Variants in LRRTM4 observed in about 807,000 individuals in gnomAD.
LRRTM4 encodes leucine rich repeat transmembrane neuronal 4, also known as leucine-rich repeat transmembrane neuronal protein 4.
LRRTM4 carries 25 observed loss-of-function variants against 47.6 expected under a neutral mutation model. That is an observed-to-expected ratio of 0.53 (90% CI 0.38 to 0.73). The LOEUF is 0.73. Ranked by LOEUF, LRRTM4 falls within the 30% of genes least tolerant of loss-of-function variation. The pLI is 0.00. For synonymous variants in LRRTM4, 311 were observed against 269.5 expected, an observed-to-expected ratio of 1.15 and a Z score of -1.51; for missense variants, 638 against 713.4, an observed-to-expected ratio of 0.89 and a Z score of 1.20.
At chr2:76,953,218 G>A (rs1675555939) in intron 3 of LRRTM4, among the ~76,000 whole-genome samples, 1 of 150,286 alleles carries the variant, frequency 6.7e-6, no homozygotes, top group African/African-American at 2.4e-5. Flanking sequence ...CAAACAAGAA[G>A]AGTTTATGGA....
intron 3 of LRRTM4, among the ~76,000 whole-genome samples, chr2:77,470,880 T>C (rs1235340428): frequency 6.6e-6 from 1 of 152,072 alleles, no homozygotes; most frequent in East Asian, 1.9e-4. Context: ...TTAGTACCAA[T>C]AAAGTAAGTA....
chr2:76,850,730 CAT>C (rs555668794), intron 3 of LRRTM4, among the ~76,000 whole-genome samples: 27 of 152,142 alleles, frequency 1.8e-4, no homozygotes, highest in South Asian at 1.0e-3. Flanking sequence ...TGTATTCACA[CAT>C]GTGCTTCATA....
At chr2:77,322,759 T>C (rs1330765226) in intron 3 of LRRTM4, among the ~76,000 whole-genome samples, 1 of 149,678 alleles carries the variant, frequency 6.7e-6, no homozygotes, top group Non-Finnish European at 1.5e-5. Flanking sequence ...TAAAAATCTA[T>C]TTGATTTTGT....
At chr2:76,947,376 A>G (rs571912917) in intron 3 of LRRTM4, among the ~76,000 whole-genome samples, 31 of 151,870 alleles carry the variant, frequency 2.0e-4, no homozygotes, top group Admixed American at 1.6e-3. Context: ...AAACAAAGAC[A>G]GTAAAGTGGA....
At chr2:77,177,384 C>T (rs1020698404) in intron 3 of LRRTM4, among the ~76,000 whole-genome samples, 10 of 152,126 alleles carry the variant, frequency 6.6e-5, no homozygotes, top group African/African-American at 1.9e-4. Context: ...CTTAGGACCA[C>T]GTTTAGAAAA....
chr2:76,891,013 G>C (rs1220844379), intron 3 of LRRTM4, among the ~76,000 whole-genome samples: 1 of 151,770 alleles, frequency 6.6e-6, no homozygotes, highest in Non-Finnish European at 1.5e-5. Context: ...TCCTGACATG[G>C]CAACAGAAGG....
chr2:76,755,473 C>G (rs1240611960), intron 3 of LRRTM4, among the ~76,000 whole-genome samples: 1 of 152,044 alleles, frequency 6.6e-6, no homozygotes, highest in African/African-American at 2.4e-5. Flanking sequence ...TTTCGTGTTT[C>G]TTTTTTCATC....
At chr2:77,197,828 C>T (rs1673871504) in intron 3 of LRRTM4, among the ~76,000 whole-genome samples, 1 of 152,120 alleles carries the variant, frequency 6.6e-6, no homozygotes, top group African/African-American at 2.4e-5. Flanking sequence ...AATATATTTT[C>T]TTTGACTTAC....
chr2:76,819,646 T>C (rs1281139036), intron 3 of LRRTM4, among the ~76,000 whole-genome samples: 1 of 151,924 alleles, frequency 6.6e-6, no homozygotes, highest in Non-Finnish European at 1.5e-5. Flanking sequence ...ACAGTAATAC[T>C]TGCTTACTTT....
At chr2:77,076,074 G>C (rs1400494486) in intron 3 of LRRTM4, among the ~76,000 whole-genome samples, 1 of 151,902 alleles carries the variant, frequency 6.6e-6, no homozygotes, top group Non-Finnish European at 1.5e-5. Context: ...TAAGACTTTT[G>C]ACATTTACAT....
intron 3 of LRRTM4, among the ~76,000 whole-genome samples, chr2:76,825,365 T>C (rs578014188): frequency 6.6e-6 from 1 of 151,412 alleles, no homozygotes; most frequent in African/African-American, 2.4e-5. Context: ...TGCAGGGAAA[T>C]GGTGTGATTC....
At chr2:76,781,075 G>GGTCAGGA (rs1221297234) in intron 3 of LRRTM4, among the ~76,000 whole-genome samples, 103 of 152,316 alleles carry the variant, frequency 6.8e-4, no homozygotes, top group African/African-American at 2.4e-3. Flanking sequence ...GCTGTTCTGG[G>GGTCAGGA]GTCAGGGACC....
At chr2:76,800,715 G>C (rs1230726492) in intron 3 of LRRTM4, among the ~76,000 whole-genome samples, 2 of 119,756 alleles carry the variant, frequency 1.7e-5, no homozygotes, top group Non-Finnish European at 3.4e-5. Flanking sequence ...CTGACAAAGG[G>C]CTAATATCCA....
At chr2:76,768,993 G>A (rs145370994) in intron 3 of LRRTM4, among the ~76,000 whole-genome samples, 379 of 152,190 alleles carry the variant, frequency 2.5e-3, no homozygotes, top group African/African-American at 8.8e-3. Flanking sequence ...GTTACAAAGA[G>A]GTTTGAACAA....
chr2:77,461,498 C>T (rs1489374542), intron 3 of LRRTM4, among the ~76,000 whole-genome samples: 1 of 152,030 alleles, frequency 6.6e-6, no homozygotes, highest in Non-Finnish European at 1.5e-5. Flanking sequence ...TTAAAATACC[C>T]ATTCCCTACC....
intron 3 of LRRTM4, among the ~76,000 whole-genome samples, chr2:76,965,982 T>C (rs1469228828): frequency 6.6e-6 from 1 of 151,358 alleles, no homozygotes; most frequent in Non-Finnish European, 1.5e-5. Context: ...CAAAAACAAA[T>C]TGCAAAGAGA....
chr2:76,963,793 T>C (rs1482161447), intron 3 of LRRTM4, among the ~76,000 whole-genome samples: 2 of 150,772 alleles, frequency 1.3e-5, no homozygotes, highest in African/African-American at 4.8e-5. Flanking sequence ...TATCTAATAA[T>C]AGTAAGAAGT....
intron 3 of LRRTM4, among the ~76,000 whole-genome samples, chr2:77,185,292 G>A (rs1002284869): frequency 2.6e-5 from 4 of 152,070 alleles, no homozygotes; most frequent in African/African-American, 7.2e-5. Flanking sequence ...GTCCAGTGTC[G>A]TTCTTCGGAT....
intron 3 of LRRTM4, among the ~76,000 whole-genome samples, chr2:77,390,271 G>A (rs113449332): frequency 0.016 from 2,445 of 152,112 alleles, 57 homozygotes; most frequent in African/African-American, 0.052. Flanking sequence ...ACTATGGAGA[G>A]AGTAAAGCAG....
Sources: gnomAD v4.1 joint callset for allele counts (sites outside exome capture counted in the v4.1 genomes callset) on GRCh38, gnomAD v4.1.1 for gene constraint, MANE v1.5 for transcripts, NCBI Gene and HGNC (gene_info 2026-07-23, HGNC 2026-07-21) for gene names.